The following DAPK2 variants were observed in gnomAD, a reference collection of about 807,000 sequenced individuals.
DAPK2 encodes death-associated protein kinase 2.
Under a neutral mutation model 44.1 loss-of-function variants are expected in DAPK2, and 35 were observed. That is an observed-to-expected ratio of 0.79 (90% CI 0.61 to 1.05). The LOEUF is 1.05. Ranked by LOEUF, DAPK2 falls within the 50% of genes least tolerant of loss-of-function variation. The probability of loss-of-function intolerance (pLI) is 0.00; values close to 1 mark genes in which losing one functional copy is unlikely to be tolerated. For synonymous variants in DAPK2, 174 were observed against 182.6 expected, an observed-to-expected ratio of 0.95 and a Z score of 0.38; for missense variants, 453 against 483.2, an observed-to-expected ratio of 0.94 and a Z score of 0.59.
chr15:63,931,137 C>T (rs1485007171), intron 4 of DAPK2, among the ~76,000 whole-genome samples: 12 of 152,288 alleles, frequency 7.9e-5, no homozygotes, highest in Admixed American at 7.2e-4. Flanking sequence ...GACAACTTAG[C>T]AAGAAGGCAC....
intron 1 of DAPK2, among the ~76,000 whole-genome samples, chr15:64,005,029 G>A (rs377559970): frequency 1.8e-4 from 27 of 152,238 alleles, no homozygotes; most frequent in Non-Finnish European, 3.7e-4. Flanking sequence ...GTGACTAGCC[G>A]AGAGACCCCA....
At chr15:64,024,960 G>A (rs1388193753) in intron 1 of DAPK2, among the ~76,000 whole-genome samples, 2 of 152,132 alleles carry the variant, frequency 1.3e-5, no homozygotes, top group Non-Finnish European at 2.9e-5. Flanking sequence ...GCAAGGAGGT[G>A]GAGGTGAGCA....
upstream of DAPK2, chr15:64,046,393 CGGGGGACGCGGCG>C: frequency 9.1e-6 from 3 of 327,998 alleles, no homozygotes; most frequent in African/African-American, 2.2e-5. This position sits in a 1 kb window ranked among gnomAD's most constrained non-coding sequence, Gnocchi z 5.3. Context: ...GCGGCGGGAA[CGGGGGACGCGGCG>C]GGGTGCGCTG....
chr15:63,910,123 A>G (rs940069257), intron 10 of DAPK2, among the ~76,000 whole-genome samples: 11 of 152,268 alleles, frequency 7.2e-5, no homozygotes, highest in African/African-American at 2.7e-4. Flanking sequence ...GCTTGTCATT[A>G]TCAGGGATTC....
intron 10 of DAPK2, chr15:63,909,459 A>G (rs1044244674): frequency 6.6e-6 from 1 of 152,104 alleles, no homozygotes; most frequent in Non-Finnish European, 1.5e-5. Flanking sequence ...GAGTAAAAAG[A>G]GTACTATTTA....
In DAPK2 at chr15:63,946,343, T is replaced by C. The variant is rs547113690; in HGVS notation, c.454-6982A>G. 5.4e-4 allele frequency among the ~76,000 whole-genome samples: 82 copies of C among 152,354 alleles called. 1 individual carries two copies. In the South Asian group the frequency reaches 0.016, roughly 30 times the overall value. ...GGATGAAGACACCCTTGGGGGGCTA[T>C]GTCATAAAGTACAAAAGACAAAGGC... On this transcript the variant is annotated intron_variant, in intron 3 of 10. Coordinates refer to ENST00000261891, the Ensembl canonical transcript of DAPK2.
chr15:64,033,287 GGGAAGGAA>G lies in DAPK2; in HGVS notation c.92+6875_92+6882del, dbSNP rs1242064152. ...GGAGGGGGAGGGGGAAGGGGGAAGG[GGGAAGGAA>G]GGAAGGAAGGAAGGAAGGAAGGAAG... On this transcript the variant is annotated intron_variant, in intron 1 of 10. Coordinates refer to ENST00000261891, the Ensembl canonical transcript of DAPK2. 4.3e-4 allele frequency among the ~76,000 whole-genome samples: 22 copies of G among 51,222 alleles called. 1 individual carries two copies. The highest frequency in any genetic ancestry group is 5.8e-5 in the African/African-American group (1 of 17,300). 33.6% of individuals were successfully genotyped at this position (51,222 alleles called of 152,430 possible).
intron 3 of DAPK2, among the ~76,000 whole-genome samples, chr15:63,959,717 G>A (rs1400410755): frequency 6.6e-6 from 1 of 152,184 alleles, no homozygotes; most frequent in Non-Finnish European, 1.5e-5. Context: ...ACTTGATTGT[G>A]GTGGATAAGC....
chr15:64,000,688 AG>A (rs1222152863), intron 1 of DAPK2, among the ~76,000 whole-genome samples: 2 of 152,084 alleles, frequency 1.3e-5, no homozygotes, highest in African/African-American at 4.8e-5. Flanking sequence ...CATGGTAATT[AG>A]GGGGAAGGCA....
chr15:63,933,235 T>G (rs1021119537), intron 4 of DAPK2, among the ~76,000 whole-genome samples: 2 of 152,094 alleles, frequency 1.3e-5, no homozygotes, highest in Admixed American at 1.3e-4. Context: ...TTCTAATAAT[T>G]TATTTGTTTT....
intron 6 of DAPK2, chr15:63,928,204 T>G (rs1567209533): frequency 6.6e-6 from 1 of 152,608 alleles, no homozygotes; most frequent in Admixed American, 6.5e-5. Flanking sequence ...CTAGCAATTG[T>G]GATATAATAG....
Position 63,921,539 on chromosome 15 carries a change from C to G in DAPK2, c.858+3277G>C, listed in dbSNP as rs1426033452. 5 of 152,236 alleles carry G rather than the reference C, an allele frequency of 3.3e-5. No homozygotes were observed. In the South Asian group the frequency reaches 1.0e-3, roughly 32 times the overall value. The allele number at this position is 152,236 out of a possible 1,614,324, so 9.4% of individuals were successfully genotyped here. A position where few individuals can be genotyped will look rare whatever the true frequency, so the allele number is the denominator to read the frequency against. ...GTTGACATGAGTTGGTTGACTGTCC[C>G]CTCCCCCAGAGAAAGGGAGATGAGA... On this transcript the variant is annotated intron_variant, in intron 8 of 10. Transcript: ENST00000261891.
intron 1 of DAPK2, among the ~76,000 whole-genome samples, chr15:63,992,637 C>T (rs953256259): frequency 5.3e-5 from 8 of 152,226 alleles, no homozygotes; most frequent in East Asian, 1.9e-4. Flanking sequence ...CTCTCACCTT[C>T]ACTCCCTCCC....
chr15:63,955,780 T>C (rs898749172), intron 3 of DAPK2, among the ~76,000 whole-genome samples: 2 of 152,068 alleles, frequency 1.3e-5, no homozygotes, highest in Non-Finnish European at 2.9e-5. Context: ...GTTGCCCAGG[T>C]TGGTCTTGAA....
intron 1 of DAPK2, among the ~76,000 whole-genome samples, chr15:64,036,899 C>T (rs1259701978): frequency 6.6e-6 from 1 of 152,106 alleles, no homozygotes; most frequent in Non-Finnish European, 1.5e-5. Context: ...AAAACTACTC[C>T]AAAGGCTCGA....
chr15:64,004,688 C>T (rs896025484), intron 1 of DAPK2, among the ~76,000 whole-genome samples: 2 of 152,110 alleles, frequency 1.3e-5, no homozygotes, highest in Non-Finnish European at 2.9e-5. Context: ...ACAATAATTC[C>T]ACAGTGGGCC....
chr15:64,004,434 C>A, intron 1 of DAPK2, among the ~76,000 whole-genome samples: 1 of 152,182 alleles, frequency 6.6e-6, no homozygotes, highest in Admixed American at 6.5e-5. Context: ...ATTAATTCAA[C>A]AGGGGGACCC....
chr15:64,028,175 C>A (rs2079908842), intron 1 of DAPK2, among the ~76,000 whole-genome samples: 1 of 152,198 alleles, frequency 6.6e-6, no homozygotes, highest in Non-Finnish European at 1.5e-5. Context: ...TCTCTGGCCT[C>A]AGCCTCCCAG....
At chr15:64,041,179 C>A (rs2080345387), upstream of DAPK2, among the ~76,000 whole-genome samples, 1 of 152,180 alleles carries the variant, frequency 6.6e-6, no homozygotes, top group African/African-American at 2.4e-5. Context: ...CTCATCAACC[C>A]CAAAGGAAAG....
Sources: allele counts gnomAD v4.1 joint callset (sites outside exome capture counted in the v4.1 genomes callset), GRCh38; gene constraint gnomAD v4.1.1; non-coding constraint Gnocchi (gnomAD v3.1); transcripts MANE v1.5; gene names NCBI Gene and HGNC (gene_info 2026-07-23, HGNC 2026-07-21).